SEPTIN9: variants seen among roughly 807,000 people sequenced by gnomAD.
SEPTIN9 encodes the protein septin 9, also known as septin-9.
A neutral mutation model predicts 56.6 loss-of-function variants in SEPTIN9; 13 were observed. The ratio of observed to expected loss-of-function variants is 0.23; its 90% CI spans 0.15 to 0.37. The LOEUF is 0.37. SEPTIN9 is among the 10% of genes least tolerant of loss of function. SEPTIN9 has a pLI of 1.00. For missense variants in SEPTIN9, 650 were observed against 823.1 expected, an observed-to-expected ratio of 0.79 and a Z score of 2.57; for synonymous variants, 332 against 334.1, an observed-to-expected ratio of 0.99 and a Z score of 0.07.
intron 3 of SEPTIN9, among the ~76,000 whole-genome samples, chr17:77,423,771 G>A (rs2036788625): frequency 6.6e-6 from 1 of 152,236 alleles, no homozygotes; most frequent in Non-Finnish European, 1.5e-5. Flanking sequence ...TTTTGAACAG[G>A]AATGAAAGGA....
At chr17:77,352,235 A>G (rs1195154831) in intron 2 of SEPTIN9, among the ~76,000 whole-genome samples, 1 of 106,530 alleles carries the variant, frequency 9.4e-6, no homozygotes, top group Non-Finnish European at 1.9e-5. Context: ...GTCTCTACTA[A>G]AAATACAAAA....
chr17:77,429,338 A>T lies in SEPTIN9; in HGVS notation c.721+26635A>T, dbSNP rs971447363. 6.5e-6 allele frequency: 3 copies of T among 463,846 alleles called. No individual in the cohort carries two copies. Among genetic ancestry groups the T allele is most frequent in the Non-Finnish European group, 1.4e-5 (3 of 221,882 alleles). 28.7% of individuals were successfully genotyped at this position (463,846 alleles called of 1,614,324 possible). A position where few individuals can be genotyped will look rare whatever the true frequency, so the allele number is the denominator to read the frequency against. On this transcript the variant is annotated intron_variant, in intron 3 of 11. Transcript: ENST00000427177. This position sits in a 1 kb window ranked among gnomAD's most constrained non-coding sequence, Gnocchi z 5.2. The stretch of plus-strand genomic sequence containing the variant: ...TCGCCACGACTGGCTCCTGCAGCCC[A>T]CCTGGCTGAGAGGTGTGCTGGCTCT...
chr17:77,491,805 CAAAA>C (rs35233871), intron 8 of SEPTIN9, among the ~76,000 whole-genome samples: 6 of 59,592 alleles, frequency 1.0e-4, no homozygotes, highest in African/African-American at 3.9e-4. Flanking sequence ...GACTCCATCT[CAAAA>C]AAAAAAAAAA....
chr17:77,484,320 ATGGTGG>A (rs200881925), intron 4 of SEPTIN9, among the ~76,000 whole-genome samples: 18 of 67,430 alleles, frequency 2.7e-4, no homozygotes, highest in African/African-American at 1.3e-3. Flanking sequence ...GGTGATTGTG[ATGGTGG>A]TGGTGGTGGT....
Position 77,451,880 on chromosome 17 carries a change from G to T in SEPTIN9, c.722-30264G>T, listed in dbSNP as rs72896174. Among the ~76,000 whole-genome samples the T allele has an allele frequency of 6.6e-6, 1 of 152,222 alleles. No homozygotes were observed. The highest frequency in any genetic ancestry group is 2.4e-5 in the African/African-American group (1 of 41,442). ...TTCCTTTTCGCAAGGGGTTTCCCTG[G>T]CTTCCAGGAGGGCCAGGAAGAAATT... On this transcript the variant is annotated intron_variant, in intron 3 of 11. Transcript: ENST00000427177. The surrounding 1 kb of genome is among the most constrained non-coding windows in gnomAD (Gnocchi z 4.2).
At position 77,438,707 on chromosome 17, in the gene SEPTIN9, G is replaced by C. The variant is rs541018014; in HGVS notation, c.721+36004G>C. On this transcript the variant is annotated intron_variant, in intron 3 of 11. Coordinates refer to ENST00000427177, the MANE Select transcript of SEPTIN9 (RefSeq NM_001113491.2). ...GCGCAGCCCTGTGGACACCTTCCCT[G>C]TAGCCTAGTGAGGTGGAGTGTGGGA... Among the ~76,000 whole-genome samples the C allele has an allele frequency of 7.2e-5, 11 of 152,338 alleles. No individual in the cohort carries two copies. In the East Asian group the frequency reaches 1.9e-3, roughly 27 times the overall value.
intron 2 of SEPTIN9, among the ~76,000 whole-genome samples, chr17:77,325,797 C>T (rs149810171): frequency 3.9e-5 from 6 of 152,278 alleles, no homozygotes; most frequent in Non-Finnish European, 7.4e-5. Flanking sequence ...CCTGGGGCCA[C>T]CCCTCATGAT....
intron 1 of SEPTIN9, among the ~76,000 whole-genome samples, chr17:77,298,525 C>T (rs943022482): frequency 2.0e-5 from 3 of 152,310 alleles, no homozygotes; most frequent in East Asian, 1.9e-4. Context: ...TGATGAACTG[C>T]GGCTCAGCCT....
intron 1 of SEPTIN9, among the ~76,000 whole-genome samples, chr17:77,303,100 T>A (rs7207321): frequency 0.45 from 68,654 of 151,544 alleles, 18,401 homozygotes; most frequent in Non-Finnish European, 0.57. Context: ...GTTTTATTTA[T>A]TTATTGTTAT....
At chr17:77,360,404 A>G (rs1333475774) in intron 2 of SEPTIN9, among the ~76,000 whole-genome samples, 1 of 152,170 alleles carries the variant, frequency 6.6e-6, no homozygotes, top group South Asian at 2.1e-4. Context: ...AGTGGTGTGC[A>G]TGTCTTTTCC....
intron 1 of SEPTIN9, chr17:77,288,033 G>T: frequency 9.4e-7 from 1 of 1,062,316 alleles, no homozygotes; most frequent in Non-Finnish European, 1.1e-6. Flanking sequence ...ACTCTGCCCT[G>T]AGTGTGTGGG....
Position 77,475,874 on chromosome 17 carries a change from G to T in SEPTIN9, c.722-6270G>T, listed in dbSNP as rs369188489. 3 of 1,612,470 alleles carry T rather than the reference G, an allele frequency of 1.9e-6. No homozygotes were observed. The highest frequency in any genetic ancestry group is 2.5e-6 in the Non-Finnish European group (3 of 1,179,042). ...CAGGAGGAGGATGACCTTGCATTCT[G>T]CTTGGCCACCATTGGCAGTGACAGA... On this transcript the variant is annotated intron_variant, in intron 3 of 11. Transcript: ENST00000427177. This position sits in a 1 kb window ranked among gnomAD's most constrained non-coding sequence, Gnocchi z 4.6.
At chr17:77,335,953 T>C (rs1199892563) in intron 2 of SEPTIN9, among the ~76,000 whole-genome samples, 1 of 122,344 alleles carries the variant, frequency 8.2e-6, no homozygotes, top group Non-Finnish European at 1.7e-5. Context: ...TGTACATATA[T>C]ACATGTAGGT....
At position 77,369,877 on chromosome 17, in the gene SEPTIN9, C is replaced by G. The variant is rs1269540476; in HGVS notation, c.77-32182C>G. On this transcript the variant is annotated intron_variant, in intron 2 of 11. Coordinates refer to ENST00000427177, the MANE Select transcript of SEPTIN9 (RefSeq NM_001113491.2). This position sits in a 1 kb window ranked among gnomAD's most constrained non-coding sequence, Gnocchi z 4.9. ...CTTCCTCGTGGATTTCCTCCCCACT[C>G]CGTTCCCACGCTTTGTAAGCTTCAT... is the stretch of plus-strand genomic sequence containing the variant. Among the ~76,000 whole-genome samples the G allele has an allele frequency of 6.6e-6, 1 of 152,222 alleles. No homozygotes were observed. Among genetic ancestry groups the G allele is most frequent in the Non-Finnish European group, 1.5e-5 (1 of 68,048 alleles).
chr17:77,500,432 T>C lies in SEPTIN9; in HGVS notation c.*1774T>C. On this transcript the variant is annotated 3_prime_UTR_variant, in exon 12 of 12. Coordinates refer to ENST00000427177, the MANE Select transcript of SEPTIN9 (RefSeq NM_001113491.2). The stretch of plus-strand genomic sequence containing the variant: ...CATCCCAGCCTTGAGATGCTTCACT[T>C]TCCTTCTCTGTAACCAGACTTTGAA... 1 of 225,920 alleles carries C rather than the reference T, an allele frequency of 4.4e-6. No homozygotes were observed. The highest frequency in any genetic ancestry group is 8.8e-6 in the Non-Finnish European group (1 of 113,224). The allele number at this position is 225,920 out of a possible 1,614,324, so 14.0% of individuals were successfully genotyped here.
chr17:77,334,938 A>G (rs1015701639), intron 2 of SEPTIN9, among the ~76,000 whole-genome samples: 2 of 152,186 alleles, frequency 1.3e-5, no homozygotes, highest in Non-Finnish European at 2.9e-5. Flanking sequence ...CATTGACTGT[A>G]TATGTGGCCC....
At chr17:77,293,783 G>A (rs957915639) in intron 1 of SEPTIN9, among the ~76,000 whole-genome samples, 1 of 152,090 alleles carries the variant, frequency 6.6e-6, no homozygotes, top group African/African-American at 2.4e-5. Context: ...TGATGACTTT[G>A]TAATATCGTT....
At chr17:77,289,598 G>A (rs986575872) in intron 1 of SEPTIN9, among the ~76,000 whole-genome samples, 2 of 151,294 alleles carry the variant, frequency 1.3e-5, no homozygotes, top group African/African-American at 4.9e-5. Flanking sequence ...AGTACAGACG[G>A]GGTGTCCCCA....
chr17:77,376,100 G>A (rs910229189), intron 2 of SEPTIN9: 14 of 986,124 alleles, frequency 1.4e-5, no homozygotes, highest in African/African-American at 1.2e-4. Context: ...TGGAGGAGGC[G>A]GACCTTGAGG....
Sources: gnomAD v4.1 joint callset for allele counts (sites outside exome capture counted in the v4.1 genomes callset) on GRCh38, gnomAD v4.1.1 for gene constraint, Gnocchi (gnomAD v3.1) non-coding constraint, MANE v1.5 for transcripts, NCBI Gene and HGNC (gene_info 2026-07-23, HGNC 2026-07-21) for gene names.